Variants in PHF20 observed in about 807,000 individuals in gnomAD.
The protein encoded by PHF20 is glioma-expressed antigen 2.
In PHF20, 23 loss-of-function variants were observed where a neutral mutation model predicts 113.5. That is an observed-to-expected ratio of 0.20 (90% CI 0.15 to 0.29). The LOEUF is 0.29. Ranked by LOEUF, PHF20 falls within the 10% of genes least tolerant of loss-of-function variation. The pLI, the probability that PHF20 is intolerant of heterozygous loss-of-function variation, is 1.00. For missense variants in PHF20, 943 were observed against 1,219.6 expected, an observed-to-expected ratio of 0.77 and a Z score of 3.38; for synonymous variants, 434 against 457.3, an observed-to-expected ratio of 0.95 and a Z score of 0.65.
intron 1 of PHF20, among the ~76,000 whole-genome samples, chr20:35,781,947 C>CAA (rs796259771): frequency 2.2e-5 from 3 of 136,840 alleles, no homozygotes; most frequent in East Asian, 2.1e-4. Flanking sequence ...GACTCCATCT[C>CAA]AAAAAAAAAA....
intron 15 of PHF20, among the ~76,000 whole-genome samples, chr20:35,937,702 C>T (rs964882166): frequency 6.6e-6 from 1 of 152,180 alleles, no homozygotes; most frequent in African/African-American, 2.4e-5. Flanking sequence ...GATTTCCCCA[C>T]AAGAGACAGC....
chr20:35,833,887 G>A lies in PHF20; in HGVS notation c.84-8686G>A, dbSNP rs960986852. 5.9e-5 allele frequency among the ~76,000 whole-genome samples: 9 copies of A among 151,738 alleles called. No homozygotes were observed. In the South Asian group the frequency reaches 1.5e-3, roughly 25 times the overall value. On this transcript the variant is annotated intron_variant, in intron 2 of 17. Coordinates refer to ENST00000374012, the MANE Select transcript of PHF20 (RefSeq NM_016436.5). The stretch of plus-strand genomic sequence containing the variant: ...AGCCTGGCCAACATGGTGAAACCCC[G>A]TCTCTACTAAAAATACAAAAATTGG...
At chr20:35,911,598 T>C (rs1419791146) in intron 10 of PHF20, among the ~76,000 whole-genome samples, 3 of 152,170 alleles carry the variant, frequency 2.0e-5, no homozygotes, top group South Asian at 2.1e-4. Context: ...AAGTAAGGCA[T>C]GGTGAATTAC....
intron 13 of PHF20, among the ~76,000 whole-genome samples, chr20:35,925,848 C>T (rs1055094315): frequency 2.6e-5 from 4 of 151,864 alleles, no homozygotes; most frequent in Admixed American, 6.6e-5. Flanking sequence ...ATTGGCCAGG[C>T]GCGGTGGCTC....
At chr20:35,778,231 G>A (rs1206483124) in intron 1 of PHF20, among the ~76,000 whole-genome samples, 3 of 152,152 alleles carry the variant, frequency 2.0e-5, no homozygotes, top group South Asian at 2.1e-4. Context: ...TTATAGGTGC[G>A]CACCACCATG....
At chr20:35,928,196 T>C (rs143069912) in intron 14 of PHF20, among the ~76,000 whole-genome samples, 49 of 152,238 alleles carry the variant, frequency 3.2e-4, no homozygotes, top group African/African-American at 1.1e-3. Context: ...CCCAGCACTT[T>C]GGGAGGCCAA....
At chr20:35,895,062 C>T (rs757711146) in intron 9 of PHF20, among the ~76,000 whole-genome samples, 27 of 152,104 alleles carry the variant, frequency 1.8e-4, no homozygotes, top group Middle Eastern at 3.4e-3. Context: ...CTCGCTCTGT[C>T]GCCCAGGCTG....
intron 10 of PHF20, among the ~76,000 whole-genome samples, chr20:35,906,034 G>C (rs1251073413): frequency 1.3e-5 from 2 of 152,210 alleles, no homozygotes; most frequent in Non-Finnish European, 2.9e-5. Context: ...GGTGAGTTCA[G>C]TCCTGAATAC....
rs940291014 is a variant in PHF20, at chr20:35,947,723, C to T, written c.*96C>T. 3.9e-6 allele frequency: 5 copies of T among 1,272,892 alleles called. No homozygotes were observed. Among genetic ancestry groups the T allele is most frequent in the East Asian group, 2.4e-5 (1 of 41,384 alleles). 78.8% of individuals were successfully genotyped at this position (1,272,892 alleles called of 1,614,324 possible). On this transcript the variant is annotated 3_prime_UTR_variant, in exon 18 of 18. Transcript: ENST00000374012. ...AAATAAACCTAGCATGCTGAATGCA[C>T]GTGACACCGACTGACTTCAGGGATC...
At chr20:35,823,980 G>C (rs766248285) in intron 2 of PHF20, among the ~76,000 whole-genome samples, 1 of 152,170 alleles carries the variant, frequency 6.6e-6, no homozygotes. Flanking sequence ...CTGTTTATGT[G>C]TTCAAAGACA....
chr20:35,901,279 G>A (rs1045038027), intron 10 of PHF20, among the ~76,000 whole-genome samples: 11 of 151,954 alleles, frequency 7.2e-5, no homozygotes, highest in Admixed American at 5.9e-4. Flanking sequence ...GCCAGGCGTG[G>A]TGGCAGGTGC....
rs185400910 is a variant in PHF20 at position 35,859,507 on chromosome 20, A to G, written c.420+1126A>G. On this transcript the variant is annotated intron_variant, in intron 5 of 17. Coordinates refer to ENST00000374012, the MANE Select transcript of PHF20 (RefSeq NM_016436.5). ...TGCTTGGATAGTAGTTGATGTGACA[A>G]TATTTGGTGATGCTATAACCTGTTG... Among the ~76,000 whole-genome samples, 36 of 151,674 alleles carry G rather than the reference A, an allele frequency of 2.4e-4. No homozygotes were observed. The East Asian group carries it at 5.0e-3, about 21-fold the overall frequency.
intron 9 of PHF20, among the ~76,000 whole-genome samples, chr20:35,877,597 A>C (rs1343635226): frequency 2.0e-5 from 3 of 147,266 alleles, no homozygotes; most frequent in Non-Finnish European, 3.0e-5. Context: ...TTTTTTTTGA[A>C]GGTGGAGTCT....
At chr20:35,815,730 G>A (rs1182900662) in intron 2 of PHF20, among the ~76,000 whole-genome samples, 1 of 150,928 alleles carries the variant, frequency 6.6e-6, no homozygotes, top group Non-Finnish European at 1.5e-5. Flanking sequence ...CTCCCAAAGT[G>A]CTGGGATTAC....
intron 2 of PHF20, among the ~76,000 whole-genome samples, chr20:35,834,778 A>G (rs1055337391): frequency 3.3e-5 from 5 of 152,184 alleles, no homozygotes; most frequent in Non-Finnish European, 7.3e-5. Flanking sequence ...TGAAGTTCAT[A>G]GGGCATAGTT....
At chr20:35,850,412 A>T (rs930864785) in intron 4 of PHF20, among the ~76,000 whole-genome samples, 2 of 146,344 alleles carry the variant, frequency 1.4e-5, no homozygotes, top group African/African-American at 5.0e-5. Context: ...GGGTTCAAGC[A>T]ATTCTCCTGC....
intron 10 of PHF20, among the ~76,000 whole-genome samples, chr20:35,912,775 T>G (rs1600924057): frequency 6.6e-6 from 1 of 152,114 alleles, no homozygotes; most frequent in Non-Finnish European, 1.5e-5. Flanking sequence ...GAGGTTGCAG[T>G]GAGCTGAGAT....
intron 4 of PHF20, among the ~76,000 whole-genome samples, chr20:35,851,913 T>A (rs1173149474): frequency 1.3e-5 from 2 of 149,700 alleles, no homozygotes; most frequent in Non-Finnish European, 3.0e-5. Flanking sequence ...CGAGACTCCG[T>A]CTCCAAAAAA....
chr20:35,896,044 A>G (rs964772178), intron 9 of PHF20, among the ~76,000 whole-genome samples: 2 of 151,508 alleles, frequency 1.3e-5, no homozygotes, highest in Non-Finnish European at 2.9e-5. Flanking sequence ...ATCTCTTGTT[A>G]TAGGTAGAAA....
Sources: allele counts gnomAD v4.1 joint callset (sites outside exome capture counted in the v4.1 genomes callset), GRCh38; gene constraint gnomAD v4.1.1; transcripts MANE v1.5; gene names NCBI Gene and HGNC (gene_info 2026-07-23, HGNC 2026-07-21).